Variants in COL5A2 observed in about 807,000 individuals in gnomAD.
The protein encoded by COL5A2 is collagen alpha-2(V) chain.
COL5A2 carries 23 observed loss-of-function variants against 208.2 expected under a neutral mutation model. That is an observed-to-expected ratio of 0.11 (90% confidence interval 0.08 to 0.16). The LOEUF (loss-of-function observed/expected upper bound fraction) is 0.16. COL5A2 is among the 10% of genes least tolerant of loss of function. The pLI is 1.00. For missense variants in COL5A2, 1,590 were observed against 1,956.4 expected, an observed-to-expected ratio of 0.81 and a Z score of 3.53; for synonymous variants, 625 against 628.5, an observed-to-expected ratio of 0.99 and a Z score of 0.08.
chr2:189,324,054 A>G, the COL5A2 span, among the ~76,000 whole-genome samples: 2 of 152,236 alleles, frequency 1.3e-5, 1 homozygote, highest in South Asian at 4.1e-4. Context: ...CAAACCTGAC[A>G]AAAACAAGAA....
chr2:189,276,729 G>A, the COL5A2 span, among the ~76,000 whole-genome samples: 10 of 151,954 alleles, frequency 6.6e-5, no homozygotes, highest in Admixed American at 6.6e-4. Flanking sequence ...AATAGCATCA[G>A]AACTTAGATT....
intron 1 of COL5A2, among the ~76,000 whole-genome samples, chr2:189,129,680 C>G (rs994493314): frequency 1.3e-5 from 2 of 151,990 alleles, no homozygotes; most frequent in East Asian, 3.9e-4. Flanking sequence ...TGAAGAGCAA[C>G]TTATCTGTAT....
At chr2:189,064,091 CT>C in intron 25 of COL5A2, 58 bp from the exon 26 acceptor site, 1 of 1,391,964 alleles carries the variant, frequency 7.2e-7, no homozygotes, top group Non-Finnish European at 1.0e-6. Flanking sequence ...AGTAAAGATT[CT>C]TAAGAGTAAA....
chr2:189,089,952 T>C (rs1257675487), intron 7 of COL5A2, among the ~76,000 whole-genome samples: 2 of 152,132 alleles, frequency 1.3e-5, no homozygotes, highest in East Asian at 1.9e-4. Flanking sequence ...GGTCAATTAA[T>C]AACCCAACAA....
chr2:189,132,160 A>G lies in COL5A2; in HGVS notation c.98-21711T>C, dbSNP rs567178342. Among the ~76,000 whole-genome samples the G allele has an allele frequency of 6.5e-4, 99 of 152,362 alleles. 1 individual carries two copies. The South Asian group carries it at 0.02, about 31-fold the overall frequency. ...AGTTCTCTGACCTCAAGTGGCCAGA[A>G]TAGCCACGTTTTGCATCTATTTTTA... On this transcript the variant is annotated intron_variant, in intron 1 of 53. Transcript: ENST00000374866.
chr2:189,141,007 A>G (rs1173095319), intron 1 of COL5A2, among the ~76,000 whole-genome samples: 1 of 152,206 alleles, frequency 6.6e-6, no homozygotes, highest in Non-Finnish European at 1.5e-5. Context: ...AAATACTTCA[A>G]TGATAAAATC....
At chr2:189,042,799 T>C (rs780042295) in intron 48 of COL5A2, 26 bp from the exon 49 acceptor site, 4 of 1,596,180 alleles carry the variant, frequency 2.5e-6, no homozygotes, top group South Asian at 2.2e-5. Flanking sequence ...ATAAAAAATG[T>C]TGCCAAAATA....
chr2:189,404,238 A>G, the COL5A2 span, among the ~76,000 whole-genome samples: 62 of 152,312 alleles, frequency 4.1e-4, no homozygotes, highest in African/African-American at 1.4e-3. Flanking sequence ...TAGCATTTGA[A>G]TCAGAGATTA....
At chr2:189,292,235 T>C in the COL5A2 span, among the ~76,000 whole-genome samples, 1 of 152,178 alleles carries the variant, frequency 6.6e-6, no homozygotes, top group African/African-American at 2.4e-5. Flanking sequence ...ATAATTTACT[T>C]TTGAAGTGAG....
the COL5A2 span, among the ~76,000 whole-genome samples, chr2:189,405,931 T>C: frequency 1.3e-5 from 2 of 152,240 alleles, no homozygotes; most frequent in African/African-American, 2.4e-5. Flanking sequence ...TGTTGCATCA[T>C]TTAAAATCCC....
chr2:189,243,645 C>A, the COL5A2 span, among the ~76,000 whole-genome samples: 1 of 152,112 alleles, frequency 6.6e-6, no homozygotes, highest in African/African-American at 2.4e-5. Flanking sequence ...CAGCCCCTGG[C>A]CCCTCTCAAA....
At chr2:189,157,146 ATCTTCAT>A (rs1688268271) in intron 1 of COL5A2, among the ~76,000 whole-genome samples, 1 of 149,126 alleles carries the variant, frequency 6.7e-6, no homozygotes, top group African/African-American at 2.5e-5. Context: ...ATATCTATAT[ATCTTCAT>A]GTGCTAAGCA....
the COL5A2 span, among the ~76,000 whole-genome samples, chr2:189,384,901 A>G: frequency 6.6e-6 from 1 of 152,154 alleles, no homozygotes; most frequent in Non-Finnish European, 1.5e-5. Context: ...CCTATTCTTT[A>G]TCATTATAAT....
At chr2:189,342,514 T>TAATATATATGTATATATTC in the COL5A2 span, among the ~76,000 whole-genome samples, 1 of 148,568 alleles carries the variant, frequency 6.7e-6, no homozygotes, top group Admixed American at 6.8e-5. Flanking sequence ...TATATACATA[T>TAATATATATGTATATATTC]ATATAAACCC....
At chr2:189,052,860 T>C (rs552229742) in intron 39 of COL5A2, 51 bp downstream of exon 39, 2 of 1,611,000 alleles carry the variant, frequency 1.2e-6, no homozygotes, top group East Asian at 2.2e-5. Flanking sequence ...GAATGTACAC[T>C]CCAAACATGG....
At chr2:189,285,986 A>T in the COL5A2 span, among the ~76,000 whole-genome samples, 1 of 152,074 alleles carries the variant, frequency 6.6e-6, no homozygotes, top group Non-Finnish European at 1.5e-5. Context: ...AATGTCTCTG[A>T]CACTACCTTA....
intron 1 of COL5A2, among the ~76,000 whole-genome samples, chr2:189,201,938 C>A (rs558941355): frequency 6.6e-6 from 1 of 151,504 alleles, no homozygotes; most frequent in South Asian, 2.1e-4. Context: ...TCATATAAAA[C>A]ATTTTTAAAT....
At chr2:189,180,209 C>T (rs1258688520), upstream of COL5A2, among the ~76,000 whole-genome samples, 1 of 152,090 alleles carries the variant, frequency 6.6e-6, no homozygotes, top group African/African-American at 2.4e-5. Flanking sequence ...CACATTTTAA[C>T]CCTTTCTTTT....
chr2:189,350,251 T>C, the COL5A2 span, among the ~76,000 whole-genome samples: 5 of 152,150 alleles, frequency 3.3e-5, no homozygotes, highest in African/African-American at 1.2e-4. Context: ...TTTTCTCTCA[T>C]GTGATCAGGA....
Sources: gnomAD v4.1 joint callset for allele counts (sites outside exome capture counted in the v4.1 genomes callset) on GRCh38, gnomAD v4.1.1 for gene constraint, MANE v1.5 for transcripts, NCBI Gene and HGNC (gene_info 2026-07-23, HGNC 2026-07-21) for gene names.